The following MTCP1 variants were observed in gnomAD, a reference collection of about 807,000 sequenced individuals.
MTCP1 encodes mature T cell proliferation 1.
MTCP1 carries 2 observed loss-of-function variants against 10.6 expected under a neutral mutation model. That is an observed-to-expected ratio of 0.19 (90% confidence interval 0.08 to 0.59). MTCP1 has a LOEUF of 0.59. MTCP1 is among the 20% of genes least tolerant of loss of function. The pLI is 0.90. For missense variants in MTCP1, 33 were observed against 91.5 expected, an observed-to-expected ratio of 0.36 and a Z score of 2.61; for synonymous variants, 29 against 34.4, an observed-to-expected ratio of 0.84 and a Z score of 0.55.
At chrX:155,069,941 C>T (rs782704231) in intron 1 of MTCP1, among the ~76,000 whole-genome samples, 1 of 112,224 alleles carries the variant, frequency 8.9e-6, no homozygotes, top group South Asian at 3.7e-4. Flanking sequence ...GCATACTAGC[C>T]ACAAACAGTA....
rs1261645996 is a variant in MTCP1, at chrX:155,064,320, C to T, written c.*1084G>A. 2 of 179,274 alleles carry T rather than the reference C, an allele frequency of 1.1e-5. No homozygotes were observed. The highest frequency in any genetic ancestry group is 1.0e-5 in the Non-Finnish European group (1 of 96,793). The allele number at this position is 179,274 out of a possible 1,213,427, so 14.8% of individuals were successfully genotyped here. A position where few individuals can be genotyped will look rare whatever the true frequency, so the allele number is the denominator to read the frequency against. On this transcript the variant is annotated 3_prime_UTR_variant, in exon 5 of 5. Coordinates refer to ENST00000369476, the MANE Select transcript of MTCP1 (RefSeq NM_001018025.4). ...AACGTTAGGCTAGAGGAGCCGACGG[C>T]GCAGCCTGGCTCTATCATTCGCAGA...
intron 1 of MTCP1, among the ~76,000 whole-genome samples, chrX:155,066,360 C>A (rs2073948262): frequency 8.9e-6 from 1 of 112,146 alleles, no homozygotes; most frequent in Non-Finnish European, 1.9e-5. Context: ...ACACATACTG[C>A]ATTCACAAGC....
At chrX:155,067,681 C>A (rs1557292113) in intron 1 of MTCP1, among the ~76,000 whole-genome samples, 1 of 112,514 alleles carries the variant, frequency 8.9e-6, no homozygotes, top group Non-Finnish European at 1.9e-5. Context: ...ATTTGCTTTG[C>A]TTATTTCACA....
chrX:155,066,136 C>T (rs2073947446), intron 1 of MTCP1, 79 bp from the exon 2 acceptor site: 1 of 479,492 alleles, frequency 2.1e-6, no homozygotes, highest in Non-Finnish European at 3.6e-6. Flanking sequence ...TGATCTGGTA[C>T]TAGCAACCAC....
At chrX:155,065,442 C>G (rs1557291931) in intron 4 of MTCP1, 43 bp from the exon 5 acceptor site, 2 of 1,151,427 alleles carry the variant, frequency 1.7e-6, no homozygotes, top group Non-Finnish European at 2.4e-6. Flanking sequence ...TGAATAGAGC[C>G]AAAACAAAGA....
intron 1 of MTCP1, among the ~76,000 whole-genome samples, chrX:155,067,473 C>G (rs782090476): frequency 9.0e-6 from 1 of 111,693 alleles, no homozygotes; most frequent in South Asian, 3.8e-4. Flanking sequence ...CCAACTTTCC[C>G]CAAATACCAG....
chrX:155,067,841 C>A (rs961589757), intron 1 of MTCP1, among the ~76,000 whole-genome samples: 1 of 111,712 alleles, frequency 9.0e-6, no homozygotes, highest in Non-Finnish European at 1.9e-5. Context: ...AACAAAGGAA[C>A]GCCACAGTGG....
In MTCP1 at chrX:155,065,989, C is replaced by A; in HGVS notation, c.22G>T (p.Ala8Ser). The A allele has an allele frequency of 3.3e-6, 4 of 1,210,079 alleles. No homozygotes were observed. Among genetic ancestry groups the A allele is most frequent in the Non-Finnish European group, 4.5e-6 (4 of 893,983 alleles). The change falls in exon 2 of 5, where the codon GCT becomes TCT. Residue 8 changes from alanine to serine, a missense_variant. Transcript: ENST00000369476. MAGEDVGAPPDHLWVHQE... is the reference protein window; with the variant it reads MAGEDVGSPPDHLWVHQE... Reference sequence around the variant, plus strand: ...TGAACCCAGAGGTGATCGGGTGGAGCCCCCACATCCTCTCCTGCCATTCTG... The same window carrying A: ...TGAACCCAGAGGTGATCGGGTGGAGACCCCACATCCTCTCCTGCCATTCTG...
At chrX:155,066,416 G>A (rs1198099771) in intron 1 of MTCP1, among the ~76,000 whole-genome samples, 3 of 112,162 alleles carry the variant, frequency 2.7e-5, no homozygotes, top group Non-Finnish European at 5.6e-5. Flanking sequence ...CAAAGAGCGT[G>A]CCTAAAGACA....
At position 155,065,685 on chromosome X, in the gene MTCP1, T is replaced by C. The variant is rs1317367008; in HGVS notation, c.210A>G (p.Gln70=). 2 of 1,211,062 alleles carry C rather than the reference T, an allele frequency of 1.7e-6. No individual in the cohort carries two copies. Among genetic ancestry groups the C allele is most frequent in the Non-Finnish European group, 1.1e-6 (1 of 895,057 alleles). Residue 70 remains glutamine (Q), a synonymous_variant, in exon 3 of 5, where the codon CAA becomes CAG. Coordinates refer to ENST00000369476, the MANE Select transcript of MTCP1 (RefSeq NM_001018025.4). ...LLTSQLPLMW[Q]LYPEERYMDN... is the part of the protein sequence containing the mutation. ...CCATGTAGCGCTCCTCCGGGTAGAG[T>C]TGCCACATGAGAGGTAGCTGGGAGG...
rs1557292401 is a variant in MTCP1, at chrX:155,070,691, C to T, written c.-48+3G>A. The T allele has an allele frequency of 8.9e-6, 1 of 112,371 alleles. No individual in the cohort carries two copies. Among genetic ancestry groups the T allele is most frequent in the Non-Finnish European group, 1.9e-5 (1 of 53,214 alleles). The allele number at this position is 112,371 out of a possible 1,213,427, so 9.3% of individuals were successfully genotyped here. A position where few individuals can be genotyped will look rare whatever the true frequency, so the allele number is the denominator to read the frequency against. ...AACACTGTTTCTGCAAAAGGTTACT[C>T]ACATGAATATAATGTTTCTTGGGCT... On this transcript the variant is annotated splice_donor_region_variant and intron_variant, in intron 1 of 4. Coordinates refer to ENST00000369476, the MANE Select transcript of MTCP1 (RefSeq NM_001018025.4).
At chrX:155,066,316 G>T (rs1396625041) in intron 1 of MTCP1, among the ~76,000 whole-genome samples, 1 of 112,509 alleles carries the variant, frequency 8.9e-6, no homozygotes, top group Non-Finnish European at 1.9e-5. Flanking sequence ...TGGAAATGTA[G>T]GACTAGCACT....
At position 155,065,403 on chromosome X, in the gene MTCP1, G is replaced by GAA; in HGVS notation, c.*5-6_*5-5dup. 2 of 917,809 alleles carry GAA rather than the reference G, an allele frequency of 2.2e-6. No homozygotes were observed. The highest frequency in any genetic ancestry group is 3.1e-6 in the Non-Finnish European group (2 of 638,138). 75.6% of individuals were successfully genotyped at this position (917,809 alleles called of 1,213,427 possible). Reference sequence around the variant, plus strand: ...TATCTTCGTAGAATCCCAGCACCTGGAAAAAAAAATCATTAAAATCACCAC... The same window carrying GAA: ...TATCTTCGTAGAATCCCAGCACCTGGAAAAAAAAAAATCATTAAAATCACCAC... On this transcript the variant is annotated splice_polypyrimidine_tract_variant and splice_region_variant and intron_variant, in intron 4 of 4. Transcript: ENST00000369476.
At position 155,064,095 on chromosome X, in the gene MTCP1, C is replaced by G; in HGVS notation, c.*1309G>C. On this transcript the variant is annotated 3_prime_UTR_variant, in exon 5 of 5. Transcript: ENST00000369476. ...CCATAAAGACTTTAAAGCCCCTCTA[C>G]GTGGAATTTTCTTCTGAGACAAGCA... 1.1e-6 allele frequency: 1 copy of G among 950,226 alleles called. No individual in the cohort carries two copies. Among genetic ancestry groups the G allele is most frequent in the Non-Finnish European group, 1.5e-6 (1 of 689,234 alleles). 78.3% of individuals were successfully genotyped at this position (950,226 alleles called of 1,213,427 possible).
Position 155,071,073 on chromosome X carries a change from G to C in MTCP1, c.-427C>G, listed in dbSNP as rs1439557309. On this transcript the variant is annotated 5_prime_UTR_variant, in exon 1 of 5. Coordinates refer to ENST00000369476, the MANE Select transcript of MTCP1 (RefSeq NM_001018025.4). ...GCGCACGGGTCTCCTTAGCGGGCGG[G>C]CAAAATGGGCGCCGGTACTCGGGAG... is the stretch of plus-strand genomic sequence containing the variant. 1 of 111,965 alleles carries C rather than the reference G, an allele frequency of 8.9e-6. No individual in the cohort carries two copies. Among genetic ancestry groups the C allele is most frequent in the Non-Finnish European group, 1.9e-5 (1 of 52,782 alleles). The allele number at this position is 111,965 out of a possible 1,213,427, so 9.2% of individuals were successfully genotyped here.
At chrX:155,067,141 G>A (rs1402893226) in intron 1 of MTCP1, among the ~76,000 whole-genome samples, 3 of 111,716 alleles carry the variant, frequency 2.7e-5, no homozygotes, top group Admixed American at 9.5e-5. Flanking sequence ...GAAATGCAGC[G>A]TGGGAGGGTG....
At chrX:155,065,844 G>T in intron 2 of MTCP1, 55 bp from the exon 3 acceptor site, 1 of 1,195,630 alleles carries the variant, frequency 8.4e-7, no homozygotes, top group Non-Finnish European at 1.1e-6. Context: ...TATTGAGACT[G>T]GAATAGAAAC....
chrX:155,065,462 C>G (rs1557291936), intron 4 of MTCP1, 24 bp downstream of exon 4: 1 of 1,190,803 alleles, frequency 8.4e-7, no homozygotes, highest in Admixed American at 2.2e-5. Context: ...AGGGGGAGGA[C>G]AGAGGAGAAA....
intron 1 of MTCP1, among the ~76,000 whole-genome samples, chrX:155,067,819 G>A (rs1557292129): frequency 8.9e-6 from 1 of 112,041 alleles, no homozygotes; most frequent in Non-Finnish European, 1.9e-5. Context: ...TGTATGGTGG[G>A]TAGGGAAGGG....
Sources: gnomAD v4.1 joint callset for allele counts (sites outside exome capture counted in the v4.1 genomes callset) on GRCh38, gnomAD v4.1.1 for gene constraint, MANE v1.5 for transcripts, NCBI Gene and HGNC (gene_info 2026-07-23, HGNC 2026-07-21) for gene names.